GLTP: variants seen among roughly 807,000 people sequenced by gnomAD.
GLTP encodes glycolipid transfer protein.
In GLTP, 22 loss-of-function variants were observed where a neutral mutation model predicts 24.0. That is an observed-to-expected ratio of 0.92 (90% confidence interval 0.65 to 1.31). GLTP has a LOEUF of 1.31. GLTP is among the 50% of genes most tolerant of loss of function. The probability of loss-of-function intolerance (pLI) is 0.00; values close to 1 mark genes in which losing one functional copy is unlikely to be tolerated. For missense variants in GLTP, 224 were observed against 276.6 expected (o/e 0.81, Z 1.35); for synonymous variants, 92 against 115.9 (o/e 0.79, Z 1.33).
At chr12:109,878,142 T>G (rs955418874) in intron 1 of GLTP, among the ~76,000 whole-genome samples, 1 of 152,224 alleles carries the variant, frequency 6.6e-6, no homozygotes, top group Admixed American at 6.5e-5. Context: ...GGAGATGCTC[T>G]TTAGCCCTGG....
chr12:109,873,420 G>A (rs1402178259), intron 1 of GLTP, among the ~76,000 whole-genome samples: 1 of 152,144 alleles, frequency 6.6e-6, no homozygotes, highest in East Asian at 1.9e-4. Flanking sequence ...GGATCATGAG[G>A]TCAGGAGTTC....
chr12:109,865,240 C>T (rs1868486220), intron 1 of GLTP, among the ~76,000 whole-genome samples: 2 of 152,256 alleles, frequency 1.3e-5, no homozygotes, highest in South Asian at 2.1e-4. Flanking sequence ...AGGGAAGGGA[C>T]TTGGAGGGTT....
At position 109,855,610 on chromosome 12, in the gene GLTP, G is replaced by C. The variant is rs767955992; in HGVS notation, c.447+9C>G. On this transcript the variant is annotated intron_variant, in intron 4 of 4. Transcript: ENST00000318348. The surrounding 1 kb of genome is among the most constrained non-coding windows in gnomAD (Gnocchi z 4.1). ...TGGTGGTCCTTTGGGGCTCATGGGG[G>C]TGGCTCACCTGGAAGATCTTCTGCA... 1.3e-6 allele frequency: 2 copies of C among 1,542,036 alleles called. No homozygotes were observed. The highest frequency in any genetic ancestry group is 1.4e-5 in the African/African-American group (1 of 71,964).
At chr12:109,862,513 A>C (rs1329129908) in intron 1 of GLTP, among the ~76,000 whole-genome samples, 1 of 152,182 alleles carries the variant, frequency 6.6e-6, no homozygotes, top group African/African-American at 2.4e-5. Context: ...GATGGGCTAC[A>C]TGGGGACTGG....
chr12:109,879,841 A>G (rs1592896221), intron 1 of GLTP, among the ~76,000 whole-genome samples: 2 of 151,712 alleles, frequency 1.3e-5, no homozygotes, highest in African/African-American at 4.8e-5. Flanking sequence ...AAATGGGGGG[A>G]TTCATTGTAA....
chr12:109,852,875 G>C, intron 4 of GLTP, 138 bp from the exon 5 acceptor site: 1 of 615,398 alleles, frequency 1.6e-6, no homozygotes, highest in Non-Finnish European at 2.9e-6. Context: ...TGTTGGAAGG[G>C]AAAGGAAAAG....
intron 1 of GLTP, chr12:109,859,880 T>G (rs1054551403): frequency 1.3e-5 from 2 of 152,380 alleles, no homozygotes; most frequent in Admixed American, 1.3e-4. Context: ...TTTTAAGAAG[T>G]GTGCAAATCT....
At chr12:109,877,903 T>C (rs1868937150) in intron 1 of GLTP, among the ~76,000 whole-genome samples, 1 of 152,218 alleles carries the variant, frequency 6.6e-6, no homozygotes, top group Non-Finnish European at 1.5e-5. Flanking sequence ...AAGAGAATAA[T>C]GGTTCAAACG....
At position 109,857,861 on chromosome 12, in the gene GLTP, T is replaced by C; in HGVS notation, c.163-202A>G. 1.7e-6 allele frequency: 1 copy of C among 596,122 alleles called. No individual in the cohort carries two copies. Among genetic ancestry groups the C allele is most frequent in the East Asian group, 2.9e-5 (1 of 34,554 alleles). 36.9% of individuals were successfully genotyped at this position (596,122 alleles called of 1,614,324 possible). ...AATGCTTTACAGGCACTACCTTATA[T>C]GATCCTGGTGGCAAACCTGATGTTG... On this transcript the variant is annotated intron_variant, in intron 2 of 4. Transcript: ENST00000318348. The surrounding 1 kb of genome is among the most constrained non-coding windows in gnomAD (Gnocchi z 4.3).
At chr12:109,874,255 C>G (rs1868814882) in intron 1 of GLTP, among the ~76,000 whole-genome samples, 2 of 152,196 alleles carry the variant, frequency 1.3e-5, no homozygotes. Flanking sequence ...CTGAGCAAGT[C>G]ACCTAACCTC....
At chr12:109,865,038 G>A (rs1482437219) in intron 1 of GLTP, among the ~76,000 whole-genome samples, 1 of 152,124 alleles carries the variant, frequency 6.6e-6, no homozygotes, top group Non-Finnish European at 1.5e-5. Flanking sequence ...TCAAGCCTGT[G>A]CCTGCTCTGA....
At chr12:109,862,894 A>G (rs1448037232) in intron 1 of GLTP, among the ~76,000 whole-genome samples, 2 of 152,108 alleles carry the variant, frequency 1.3e-5, no homozygotes, top group Non-Finnish European at 2.9e-5. Flanking sequence ...TCTAATAAAA[A>G]TACAAAAATT....
chr12:109,873,969 A>G (rs1868807997), intron 1 of GLTP, among the ~76,000 whole-genome samples: 1 of 152,246 alleles, frequency 6.6e-6, no homozygotes, highest in Non-Finnish European at 1.5e-5. Context: ...CACACCTCAG[A>G]GCAAACCTGC....
In GLTP at chr12:109,880,357, T is replaced by C; in HGVS notation, c.18A>G (p.Glu6=). Residue 6 remains glutamate (E), a synonymous_variant, in exon 1 of 5, where the codon GAA becomes GAG. Transcript: ENST00000318348. The surrounding 1 kb of genome is among the most constrained non-coding windows in gnomAD (Gnocchi z 5.1). Reference sequence around the variant, plus strand: ...CCGCGGGCAGCGGCTTCAGCAAGTGTTCGGCCAGCAGCGCCATTTCGGGGT... The same window carrying C: ...CCGCGGGCAGCGGCTTCAGCAAGTGCTCGGCCAGCAGCGCCATTTCGGGGT... MALLA[E]HLLKPLPADK... is the part of the protein sequence containing the mutation. 6.3e-7 allele frequency: 1 copy of C among 1,592,044 alleles called. No individual in the cohort carries two copies. The highest frequency in any genetic ancestry group is 1.1e-5 in the South Asian group (1 of 89,732).
At position 109,855,772 on chromosome 12, in the gene GLTP, G is replaced by C; in HGVS notation, c.297-3C>G. ...AGACCTGGATGAAGCGGAGGCCTCT[G>C]TGGCCCAGGGAGGAGAAGGTTCGTT... On this transcript the variant is annotated splice_region_variant and splice_polypyrimidine_tract_variant and intron_variant, in intron 3 of 4. Transcript: ENST00000318348. This position sits in a 1 kb window ranked among gnomAD's most constrained non-coding sequence, Gnocchi z 4.1. 2 of 1,586,008 alleles carry C rather than the reference G, an allele frequency of 1.3e-6. No homozygotes were observed. Among genetic ancestry groups the C allele is most frequent in the Non-Finnish European group, 1.7e-6 (2 of 1,166,958 alleles).
At chr12:109,878,370 C>T (rs946741822) in intron 1 of GLTP, among the ~76,000 whole-genome samples, 2 of 152,164 alleles carry the variant, frequency 1.3e-5, no homozygotes, top group African/African-American at 2.4e-5. Flanking sequence ...CAGGACTGTT[C>T]TGTGCACTGT....
At chr12:109,879,455 C>T (rs1868990747) in intron 1 of GLTP, among the ~76,000 whole-genome samples, 1 of 152,092 alleles carries the variant, frequency 6.6e-6, no homozygotes, top group Admixed American at 6.6e-5. Flanking sequence ...TGAAAGTGGA[C>T]CGCCTTCCCA....
rs373946330 is a variant in GLTP, at chr12:109,851,186, G to A, written c.*1369C>T. 1.3e-5 allele frequency: 2 copies of A among 152,586 alleles called. No individual in the cohort carries two copies. The highest frequency in any genetic ancestry group is 2.9e-5 in the Non-Finnish European group (2 of 68,032). 9.5% of individuals were successfully genotyped at this position (152,586 alleles called of 1,614,324 possible). On this transcript the variant is annotated 3_prime_UTR_variant, in exon 5 of 5. Coordinates refer to ENST00000318348, the MANE Select transcript of GLTP (RefSeq NM_016433.4). ...AAGGGTTCATCTCTCCCCGTCAAGA[G>A]AATACACACGGTAGGTAGTTTCTTA... is the stretch of plus-strand genomic sequence containing the variant.
At chr12:109,865,720 C>T (rs1234536345) in intron 1 of GLTP, among the ~76,000 whole-genome samples, 1 of 152,164 alleles carries the variant, frequency 6.6e-6, no homozygotes, top group African/African-American at 2.4e-5. Flanking sequence ...CAGGCGTGAG[C>T]CGCCATGCCT....
Sources: allele counts gnomAD v4.1 joint callset (sites outside exome capture counted in the v4.1 genomes callset), GRCh38; gene constraint gnomAD v4.1.1; non-coding constraint Gnocchi (gnomAD v3.1); transcripts MANE v1.5; gene names NCBI Gene and HGNC (gene_info 2026-07-23, HGNC 2026-07-21).